NNT: variants seen among roughly 807,000 people sequenced by gnomAD.
NNT encodes the protein NAD(P) transhydrogenase, mitochondrial.
NNT carries 50 observed loss-of-function variants against 104.8 expected under a neutral mutation model. That is an observed-to-expected ratio of 0.48 (90% CI 0.38 to 0.60). The LOEUF (loss-of-function observed/expected upper bound fraction) is 0.60. NNT is among the 20% of genes least tolerant of loss of function. The pLI is 0.00. For missense variants in NNT, 1,131 were observed against 1,330.7 expected (o/e 0.85, Z 2.33); for synonymous variants, 461 against 490.4 (o/e 0.94, Z 0.79).
At chr5:43,687,977 G>A (rs1458301022) in intron 19 of NNT, among the ~76,000 whole-genome samples, 1 of 152,086 alleles carries the variant, frequency 6.6e-6, no homozygotes, top group Non-Finnish European at 1.5e-5. Context: ...AATCAAGGAA[G>A]GATATAAAAT....
intron 7 of NNT, among the ~76,000 whole-genome samples, chr5:43,633,337 A>T (rs546851984): frequency 6.6e-6 from 1 of 152,266 alleles, no homozygotes; most frequent in South Asian, 2.1e-4. Context: ...CTAATATCTT[A>T]TTCTCTGGGC....
intron 4 of NNT, among the ~76,000 whole-genome samples, chr5:43,618,024 G>A (rs1186197881): frequency 6.6e-6 from 1 of 152,142 alleles, no homozygotes; most frequent in Non-Finnish European, 1.5e-5. Context: ...TTGAGCCAGT[G>A]TATATATTAC....
At chr5:43,679,673 T>G (rs1458668922) in intron 19 of NNT, among the ~76,000 whole-genome samples, 1 of 152,198 alleles carries the variant, frequency 6.6e-6, no homozygotes, top group Non-Finnish European at 1.5e-5. Flanking sequence ...TATAAACTAC[T>G]GTTGTAGGAT....
At chr5:43,605,099 T>A (rs1749136078) in intron 1 of NNT, among the ~76,000 whole-genome samples, 1 of 152,244 alleles carries the variant, frequency 6.6e-6, no homozygotes, top group Admixed American at 6.5e-5. Context: ...GCTGACTCTC[T>A]TAAATATCTG....
intron 3 of NNT, among the ~76,000 whole-genome samples, chr5:43,614,866 A>G (rs4991951): frequency 0.63 from 96,110 of 152,140 alleles, 32,862 homozygotes; most frequent in African/African-American, 0.89. Flanking sequence ...GGCCGGGCGC[A>G]GTGGCTCACG....
chr5:43,630,565 CTT>C (rs1174364434), intron 7 of NNT, among the ~76,000 whole-genome samples: 1 of 152,146 alleles, frequency 6.6e-6, no homozygotes, highest in Non-Finnish European at 1.5e-5. Context: ...AAATTGTGAG[CTT>C]TTTGATGGTA....
At chr5:43,684,758 A>G (rs747783247) in intron 19 of NNT, among the ~76,000 whole-genome samples, 1 of 152,194 alleles carries the variant, frequency 6.6e-6, no homozygotes, top group Non-Finnish European at 1.5e-5. Flanking sequence ...TGTAGTTTTA[A>G]TAAGTATGAT....
In NNT at chr5:43,609,227, G is replaced by T. The variant is rs776467105; in HGVS notation, c.32G>T (p.Gly11Val). The T allele has an allele frequency of 6.2e-6, 10 of 1,613,968 alleles. No homozygotes were observed. Among genetic ancestry groups the T allele is most frequent in the Non-Finnish European group, 8.5e-6 (10 of 1,179,908 alleles). The change falls in exon 2 of 22, where the codon GGC (glycine) becomes GTC (valine). Residue 11 changes from glycine (G) to valine (V), a missense_variant. Gly to Val is a moderately radical substitution (Grantham distance 109, BLOSUM62 -3). Transcript: ENST00000344920. ...AACCTATTGAAAACAGTGGTGACTG[G>T]CTGCTCGTGTCCTCTACTTAGCAAT... The part of the protein sequence containing the change: MANLLKTVVT[G>V]CSCPLLSNLG...
chr5:43,644,609 A>G lies in NNT; in HGVS notation c.1099-2A>G. On this transcript the variant is annotated splice_acceptor_variant, in intron 8 of 21. Transcript: ENST00000344920. LOFTEE classifies it high-confidence loss of function. Reference sequence around the variant, plus strand: ...TTTTTGACTATAATTTTGTTCATTTAGGGAATTACTCACATAGGCTACACA... The same window carrying G: ...TTTTTGACTATAATTTTGTTCATTTGGGGAATTACTCACATAGGCTACACA... 2 of 1,599,604 alleles carry G rather than the reference A, an allele frequency of 1.3e-6. No individual in the cohort carries two copies. The highest frequency in any genetic ancestry group is 1.7e-6 in the Non-Finnish European group (2 of 1,174,284).
intron 19 of NNT, among the ~76,000 whole-genome samples, chr5:43,696,650 C>T (rs1742573425): frequency 6.6e-6 from 1 of 152,242 alleles, no homozygotes; most frequent in South Asian, 2.1e-4. Flanking sequence ...CCGTGGCAGA[C>T]TTCTGCCTGG....
chr5:43,626,118 A>G (rs1286805456), intron 6 of NNT, among the ~76,000 whole-genome samples: 2 of 151,804 alleles, frequency 1.3e-5, no homozygotes, highest in African/African-American at 2.4e-5. Context: ...CCCTCTATCC[A>G]TGTTCTATTA....
At chr5:43,676,315 A>G (rs1000373525) in intron 18 of NNT, among the ~76,000 whole-genome samples, 2 of 152,194 alleles carry the variant, frequency 1.3e-5, no homozygotes, top group Non-Finnish European at 2.9e-5. Context: ...CATTGGTTTC[A>G]GATTAAGATT....
chr5:43,685,681 C>T (rs1211242206), intron 19 of NNT, among the ~76,000 whole-genome samples: 3 of 152,154 alleles, frequency 2.0e-5, no homozygotes, highest in South Asian at 4.1e-4. Flanking sequence ...TGGATATTTC[C>T]ATAATACAAG....
chr5:43,656,799 C>G lies in NNT; in HGVS notation c.2440C>G (p.Leu814Val). 1 of 1,612,198 alleles carries G rather than the reference C, an allele frequency of 6.2e-7. No homozygotes were observed. Among genetic ancestry groups the G allele is most frequent in the Non-Finnish European group, 8.5e-7 (1 of 1,179,538 alleles). Residue 814 changes from leucine to valine, a missense_variant, in exon 16 of 22, where the codon CTC (leucine) becomes GTC (valine). By Grantham distance (32) the Leu-to-Val change is conservative. Coordinates refer to ENST00000344920, the MANE Select transcript of NNT (RefSeq NM_182977.3). ...CACCTGTCTGGGTTCAGTGTCTGCT[C>G]TCTCTGCTGTCATGGTAAGAAGTCA... ...GITCLGSVSA[L>V]SAVMGVTLTA...
intron 4 of NNT, among the ~76,000 whole-genome samples, chr5:43,617,177 G>A (rs1001825502): frequency 3.3e-5 from 5 of 152,198 alleles, no homozygotes; most frequent in African/African-American, 4.8e-5. Context: ...ATAATGTAAA[G>A]TTTTAAGGGT....
intron 14 of NNT, chr5:43,653,562 C>A (rs567754354): frequency 5.5e-5 from 8 of 144,990 alleles, no homozygotes; most frequent in African/African-American, 8.1e-5. Context: ...GATTCTGCTT[C>A]ATAGACCTGT....
chr5:43,692,034 A>T (rs1007509308), intron 19 of NNT, among the ~76,000 whole-genome samples: 1 of 152,194 alleles, frequency 6.6e-6, no homozygotes, highest in African/African-American at 2.4e-5. Flanking sequence ...ATTTACAAGG[A>T]ATTATTATCT....
At chr5:43,699,105 T>C (rs780925424) in intron 19 of NNT, among the ~76,000 whole-genome samples, 1 of 152,044 alleles carries the variant, frequency 6.6e-6, no homozygotes, top group Non-Finnish European at 1.5e-5. Flanking sequence ...AGATAAATAC[T>C]GGGCAAGAGG....
intron 9 of NNT, among the ~76,000 whole-genome samples, 182 bp from the exon 10 acceptor site, chr5:43,645,175 A>G (rs1287304493): frequency 6.6e-6 from 1 of 152,174 alleles, no homozygotes; most frequent in East Asian, 1.9e-4. Context: ...TAACATGGAT[A>G]TTAGTATTTG....
Sources: gnomAD v4.1 joint callset for allele counts (sites outside exome capture counted in the v4.1 genomes callset) on GRCh38, gnomAD v4.1.1 for gene constraint, MANE v1.5 for transcripts, NCBI Gene and HGNC (gene_info 2026-07-23, HGNC 2026-07-21) for gene names.